Variants in FHIP1A observed in about 807,000 individuals in gnomAD.
The protein encoded by FHIP1A is FHF complex subunit HOOK-interacting protein 1A.
In FHIP1A, 61 loss-of-function variants were observed where a neutral mutation model predicts 88.6. That is an observed-to-expected ratio of 0.69 (90% CI 0.56 to 0.85). The LOEUF (loss-of-function observed/expected upper bound fraction) is 0.85. Ranked by LOEUF, FHIP1A falls within the 40% of genes least tolerant of loss-of-function variation. FHIP1A has a pLI of 0.00. For missense variants in FHIP1A, 1,154 were observed against 1,273.5 expected, an observed-to-expected ratio of 0.91 and a Z score of 1.43; for synonymous variants, 478 against 496.0, an observed-to-expected ratio of 0.96 and a Z score of 0.48.
At chr4:151,652,292 C>G (rs1014918511) in intron 11 of FHIP1A, among the ~76,000 whole-genome samples, 2 of 152,174 alleles carry the variant, frequency 1.3e-5, no homozygotes, top group African/African-American at 4.8e-5. Context: ...TAAAACCTTC[C>G]TTTTTCCTCT....
chr4:151,473,440 T>C (rs116571315), intron 2 of FHIP1A, among the ~76,000 whole-genome samples: 1 of 152,160 alleles, frequency 6.6e-6, no homozygotes, highest in Non-Finnish European at 1.5e-5. Flanking sequence ...TAAAGTATAG[T>C]ATCTTTAAAA....
chr4:151,649,772 G>A lies in FHIP1A; in HGVS notation c.1731G>A (p.Leu577=). The A allele has an allele frequency of 6.4e-7, 1 of 1,551,640 alleles. No homozygotes were observed. The highest frequency in any genetic ancestry group is 8.7e-7 in the Non-Finnish European group (1 of 1,146,966). The change falls in exon 11 of 14, where the codon CTG becomes CTA. Residue 577 remains leucine, a synonymous_variant. Transcript: ENST00000435205. The part of the protein sequence containing the change: ...APRKDKSQTE[L]EWDDSYDTGI... The stretch of plus-strand genomic sequence containing the variant: ...GAAAGGACAAGAGCCAGACAGAGCT[G>A]GAATGGGATGACAGCTATGACACTG...
At chr4:151,625,097 G>T (rs776972328) in intron 7 of FHIP1A, among the ~76,000 whole-genome samples, 1 of 152,146 alleles carries the variant, frequency 6.6e-6, no homozygotes, top group Non-Finnish European at 1.5e-5. Context: ...TGGCAGCAGC[G>T]GGTAGGCTCG....
intron 3 of FHIP1A, among the ~76,000 whole-genome samples, chr4:151,498,912 G>T (rs778524003): frequency 4.6e-5 from 7 of 152,170 alleles, no homozygotes; most frequent in African/African-American, 1.4e-4. Context: ...CTGCCTGTTG[G>T]TATCTTCATT....
At chr4:151,418,228 CTT>C (rs980437929) in intron 1 of FHIP1A, among the ~76,000 whole-genome samples, 5 of 144,312 alleles carry the variant, frequency 3.5e-5, no homozygotes, top group Non-Finnish European at 6.1e-5. Context: ...AATTCATTGA[CTT>C]TGATCTGTTT....
At chr4:151,484,830 T>C (rs1245591525) in intron 3 of FHIP1A, among the ~76,000 whole-genome samples, 2 of 152,176 alleles carry the variant, frequency 1.3e-5, no homozygotes, top group East Asian at 3.9e-4. Context: ...TTAAAAGTCG[T>C]CTACATGAGA....
At chr4:151,521,412 A>G (rs1372456723) in intron 3 of FHIP1A, among the ~76,000 whole-genome samples, 1 of 152,214 alleles carries the variant, frequency 6.6e-6, no homozygotes, top group East Asian at 1.9e-4. Flanking sequence ...TGCATTTACC[A>G]TAACAACAAT....
chr4:151,439,071 A>G (rs943046317), intron 1 of FHIP1A, among the ~76,000 whole-genome samples: 1 of 152,184 alleles, frequency 6.6e-6, no homozygotes, highest in Non-Finnish European at 1.5e-5. Context: ...CTTTTATTTT[A>G]AAGCATGTTT....
chr4:151,585,528 T>C lies in FHIP1A; in HGVS notation c.733-1113T>C, dbSNP rs201240312. Among the ~76,000 whole-genome samples, 50 of 152,266 alleles carry C rather than the reference T, an allele frequency of 3.3e-4. 1 individual carries two copies. In the East Asian group the frequency reaches 7.1e-3, roughly 22 times the overall value. ...ATCTGTGCCATCCCTGGCCATCTTA[T>C]ACATATCTAGCAAGTCAGGATCTCC... On this transcript the variant is annotated intron_variant, in intron 5 of 13. Coordinates refer to ENST00000435205, the MANE Select transcript of FHIP1A (RefSeq NM_001109977.3).
At chr4:151,526,536 C>G (rs1260743954) in intron 3 of FHIP1A, among the ~76,000 whole-genome samples, 2 of 133,656 alleles carry the variant, frequency 1.5e-5, no homozygotes, top group Admixed American at 1.5e-4. Flanking sequence ...GGCAGAGGGG[C>G]TACTCACTTC....
chr4:151,483,265 C>A (rs1431719293), intron 3 of FHIP1A, among the ~76,000 whole-genome samples: 1 of 151,558 alleles, frequency 6.6e-6, no homozygotes, highest in Non-Finnish European at 1.5e-5. Flanking sequence ...TTAGATATAC[C>A]TCTAATGCTT....
chr4:151,644,957 C>T (rs1225550013), intron 9 of FHIP1A, among the ~76,000 whole-genome samples: 1 of 152,224 alleles, frequency 6.6e-6, no homozygotes, highest in Non-Finnish European at 1.5e-5. Context: ...CAGAGCATCT[C>T]TACTCACAGA....
chr4:151,629,765 G>A lies in FHIP1A; in HGVS notation c.1042G>A (p.Glu348Lys), dbSNP rs1169816700. Residue 348 changes from glutamate to lysine, a missense_variant, in exon 8 of 14, where the codon GAG becomes AAG. Physicochemically the swap from Glu to Lys is moderately conservative, Grantham distance 56 (BLOSUM62 1). Coordinates refer to ENST00000435205, the MANE Select transcript of FHIP1A (RefSeq NM_001109977.3). ...GGACCTTTTCCTGCGTAGCATCTCC[G>A]AGCCAGCACTACTTGAGATCTTCCT... ...YLDLFLRSIS[E>K]PALLEIFLRF... 16 of 1,551,292 alleles carry A rather than the reference G, an allele frequency of 1.0e-5. No homozygotes were observed. Among genetic ancestry groups the A allele is most frequent in the East Asian group, 2.4e-5 (1 of 40,918 alleles).
intron 7 of FHIP1A, 63 bp from the exon 8 acceptor site, chr4:151,629,639 G>C (rs1321325476): frequency 2.7e-6 from 4 of 1,458,634 alleles, no homozygotes; most frequent in Non-Finnish European, 3.7e-6. Context: ...GGGGCCACGG[G>C]AGAGGCGTGT....
chr4:151,473,121 T>C (rs1447403402), intron 2 of FHIP1A, among the ~76,000 whole-genome samples: 1 of 152,172 alleles, frequency 6.6e-6, no homozygotes, highest in Admixed American at 6.5e-5. Flanking sequence ...TGGATGTTTG[T>C]AAATGTAATA....
At chr4:151,506,078 T>C (rs1001866096) in intron 3 of FHIP1A, among the ~76,000 whole-genome samples, 9 of 152,152 alleles carry the variant, frequency 5.9e-5, no homozygotes, top group African/African-American at 1.9e-4. Flanking sequence ...CATGCCACCA[T>C]GCATGGCTAA....
At chr4:151,613,457 G>A (rs1482750662) in intron 7 of FHIP1A, among the ~76,000 whole-genome samples, 1 of 152,190 alleles carries the variant, frequency 6.6e-6, no homozygotes, top group Non-Finnish European at 1.5e-5. Context: ...TGCAGGCCGA[G>A]GGCTGTCATC....
chr4:151,583,748 C>A (rs1734108430), intron 5 of FHIP1A, among the ~76,000 whole-genome samples: 1 of 152,182 alleles, frequency 6.6e-6, no homozygotes, highest in African/African-American at 2.4e-5. Flanking sequence ...AAAAATGTGG[C>A]ATCAAGATTA....
At chr4:151,418,644 C>G (rs1373567102) in intron 1 of FHIP1A, among the ~76,000 whole-genome samples, 2 of 152,142 alleles carry the variant, frequency 1.3e-5, no homozygotes, top group African/African-American at 4.8e-5. Flanking sequence ...ACTTGGTTGT[C>G]TTGGGTATAC....
Sources: gnomAD v4.1 joint callset for allele counts (sites outside exome capture counted in the v4.1 genomes callset) on GRCh38, gnomAD v4.1.1 for gene constraint, MANE v1.5 for transcripts, NCBI Gene and HGNC (gene_info 2026-07-23, HGNC 2026-07-21) for gene names.